The following TEAD1 variants were observed in gnomAD, a reference collection of about 807,000 sequenced individuals.
The protein encoded by TEAD1 is transcriptional enhancer factor TEF-1.
TEAD1 carries 9 observed loss-of-function variants against 54.9 expected under a neutral mutation model. The ratio of observed to expected loss-of-function variants is 0.16; its 90% CI spans 0.10 to 0.29. The LOEUF (loss-of-function observed/expected upper bound fraction) is 0.29. Ranked by LOEUF, TEAD1 falls within the 10% of genes least tolerant of loss-of-function variation. The pLI is 1.00. For synonymous variants in TEAD1, 200 were observed against 187.8 expected, an observed-to-expected ratio of 1.07 and a Z score of -0.53; for missense variants, 387 against 535.9, an observed-to-expected ratio of 0.72 and a Z score of 2.74.
At chr11:12,891,601 TTGA>T (rs149689297) in intron 9 of TEAD1, among the ~76,000 whole-genome samples, 3,501 of 152,358 alleles carry the variant, frequency 0.023, 133 homozygotes, top group African/African-American at 0.08. Flanking sequence ...AAGAACTGAC[TTGA>T]TGATAATGCT....
At chr11:12,889,112 A>G (rs575702380) in intron 9 of TEAD1, among the ~76,000 whole-genome samples, 1 of 152,342 alleles carries the variant, frequency 6.6e-6, no homozygotes, top group South Asian at 2.1e-4. Context: ...GGAAGAGTGT[A>G]AAAAACAAAG....
At chr11:12,824,357 A>T (rs1282395189) in intron 3 of TEAD1, among the ~76,000 whole-genome samples, 5 of 152,166 alleles carry the variant, frequency 3.3e-5, no homozygotes, top group African/African-American at 7.2e-5. Context: ...TCCAGGCTGG[A>T]AGTTGTGTAT....
intron 3 of TEAD1, among the ~76,000 whole-genome samples, chr11:12,820,968 G>C (rs1462219999): frequency 6.6e-6 from 1 of 152,216 alleles, no homozygotes; most frequent in Non-Finnish European, 1.5e-5. Context: ...TAAGGCAAGG[G>C]AAGTGTTTGC....
chr11:12,683,078 T>C (rs74382269), intron 2 of TEAD1, among the ~76,000 whole-genome samples: 1 of 152,210 alleles, frequency 6.6e-6, no homozygotes, highest in Non-Finnish European at 1.5e-5. Context: ...TGGTAGTGTA[T>C]GGACACTGAT....
intron 5 of TEAD1, among the ~76,000 whole-genome samples, chr11:12,870,192 A>G (rs1589943802): frequency 2.0e-5 from 3 of 151,986 alleles, no homozygotes; most frequent in African/African-American, 4.8e-5. Context: ...TTTTTGCCCA[A>G]TTATCTACCA....
chr11:12,770,312 G>A (rs1342384653), intron 3 of TEAD1, among the ~76,000 whole-genome samples: 2 of 152,204 alleles, frequency 1.3e-5, no homozygotes, highest in Non-Finnish European at 2.9e-5. Context: ...ATTAAAGATG[G>A]CTCAAGAATT....
intron 12 of TEAD1, among the ~76,000 whole-genome samples, chr11:12,933,188 T>C (rs1347614509): frequency 2.0e-5 from 3 of 152,220 alleles, no homozygotes; most frequent in African/African-American, 7.2e-5. Flanking sequence ...TTGCAAAATA[T>C]GACTTCAACC....
intron 2 of TEAD1, among the ~76,000 whole-genome samples, chr11:12,699,777 A>T (rs1943659024): frequency 6.6e-6 from 1 of 152,118 alleles, no homozygotes. Flanking sequence ...GTAACCAGAG[A>T]CTCTAGCATT....
intron 3 of TEAD1, among the ~76,000 whole-genome samples, chr11:12,831,604 C>G (rs765106212): frequency 1.3e-5 from 2 of 151,620 alleles, no homozygotes; most frequent in Non-Finnish European, 2.9e-5. Context: ...ATAGTGAGAC[C>G]TTATCTCTAC....
At chr11:12,792,833 ATTGT>A (rs1945832843) in intron 3 of TEAD1, among the ~76,000 whole-genome samples, 2 of 152,190 alleles carry the variant, frequency 1.3e-5, no homozygotes, top group Non-Finnish European at 2.9e-5. Context: ...AGACAAGAGG[ATTGT>A]TTGATGCCAA....
At chr11:12,706,049 G>A (rs1370432210) in intron 2 of TEAD1, among the ~76,000 whole-genome samples, 1 of 152,198 alleles carries the variant, frequency 6.6e-6, no homozygotes, top group Non-Finnish European at 1.5e-5. Context: ...AGGGCTGTTA[G>A]AGTATCAATG....
chr11:12,874,172 A>G (rs1407260624), intron 5 of TEAD1, among the ~76,000 whole-genome samples: 3 of 152,240 alleles, frequency 2.0e-5, no homozygotes, highest in Non-Finnish European at 4.4e-5. Context: ...GGCAGCTATC[A>G]TATATTGTAT....
chr11:12,914,853 G>A (rs1403478553), intron 10 of TEAD1, among the ~76,000 whole-genome samples: 2 of 151,916 alleles, frequency 1.3e-5, no homozygotes, highest in South Asian at 2.1e-4. Context: ...AGGCCTGGAC[G>A]GCTGCCCGCC....
chr11:12,731,220 T>G (rs997799382), intron 2 of TEAD1, among the ~76,000 whole-genome samples: 1 of 152,166 alleles, frequency 6.6e-6, no homozygotes, highest in Non-Finnish European at 1.5e-5. Context: ...CCCATTTAGG[T>G]TTTTTCTTTT....
At chr11:12,772,788 G>A (rs761415389) in intron 3 of TEAD1, among the ~76,000 whole-genome samples, 1 of 152,072 alleles carries the variant, frequency 6.6e-6, no homozygotes, top group Non-Finnish European at 1.5e-5. Flanking sequence ...CCAGTGATAC[G>A]ACTCAGATTT....
chr11:12,771,599 A>G (rs919562798), intron 3 of TEAD1, among the ~76,000 whole-genome samples: 2 of 152,110 alleles, frequency 1.3e-5, no homozygotes, highest in African/African-American at 4.8e-5. Context: ...TAGAGAAGAG[A>G]GGAATGAGGA....
At chr11:12,739,224 CTAT>C (rs1444489449) in intron 2 of TEAD1, among the ~76,000 whole-genome samples, 1 of 150,770 alleles carries the variant, frequency 6.6e-6, no homozygotes, top group Admixed American at 6.6e-5. Flanking sequence ...ATCTATCTGT[CTAT>C]CTATCTATCT....
chr11:12,807,936 C>A (rs1946211857), intron 3 of TEAD1, among the ~76,000 whole-genome samples: 1 of 152,142 alleles, frequency 6.6e-6, no homozygotes, highest in African/African-American at 2.4e-5. Context: ...TCCTAAGTAG[C>A]CCGAGTCCTA....
intron 3 of TEAD1, among the ~76,000 whole-genome samples, chr11:12,827,570 C>T (rs1264185943): frequency 1.3e-5 from 2 of 152,206 alleles, no homozygotes; most frequent in Non-Finnish European, 2.9e-5. Flanking sequence ...AGACAGCAGA[C>T]ATTTGAATCC....
Sources: gnomAD v4.1 joint callset for allele counts (sites outside exome capture counted in the v4.1 genomes callset) on GRCh38, gnomAD v4.1.1 for gene constraint, MANE v1.5 for transcripts, NCBI Gene and HGNC (gene_info 2026-07-23, HGNC 2026-07-21) for gene names.